The following RANBP2 variants were observed in gnomAD, a reference collection of about 807,000 sequenced individuals.
RANBP2 encodes RAN binding protein 2, also known as E3 SUMO-protein ligase RanBP2.
In RANBP2, 57 loss-of-function variants were observed where a neutral mutation model predicts 303.6. The observed-to-expected ratio is 0.19, with a 90% CI of 0.15 to 0.23. The LOEUF (loss-of-function observed/expected upper bound fraction) is 0.23. Ranked by LOEUF, RANBP2 falls within the 10% of genes least tolerant of loss-of-function variation. The pLI, the probability that RANBP2 is intolerant of heterozygous loss-of-function variation, is 1.00. For synonymous variants in RANBP2, 1,167 were observed against 1,301.5 expected (o/e 0.90, Z 2.23); for missense variants, 3,138 against 3,780.8 (o/e 0.83, Z 4.46).
At chr2:109,314,893 C>G in the RANBP2 span, among the ~76,000 whole-genome samples, 1 of 152,208 alleles carries the variant, frequency 6.6e-6, no homozygotes, top group African/African-American at 2.4e-5. Context: ...TGAAGCAGAG[C>G]TAAGCCCTCG....
At chr2:109,550,279 A>G in the RANBP2 span, among the ~76,000 whole-genome samples, 13 of 151,644 alleles carry the variant, frequency 8.6e-5, no homozygotes, top group African/African-American at 3.1e-4. Flanking sequence ...AACAAAAGCA[A>G]GACTCAGTCT....
chr2:109,092,962 A>G, the RANBP2 span, among the ~76,000 whole-genome samples: 1 of 152,146 alleles, frequency 6.6e-6, no homozygotes, highest in African/African-American at 2.4e-5. Context: ...GTCAGTTACA[A>G]ACTTTGCTAT....
At chr2:109,592,063 G>A in the RANBP2 span, among the ~76,000 whole-genome samples, 480 of 152,282 alleles carry the variant, frequency 3.2e-3, 3 homozygotes, top group African/African-American at 0.011. Context: ...AGAAGCATAA[G>A]GTGTAATCTT....
chr2:109,537,717 G>A, the RANBP2 span, among the ~76,000 whole-genome samples: 49 of 152,228 alleles, frequency 3.2e-4, no homozygotes, highest in South Asian at 1.5e-3. Context: ...AGGCTGGGGC[G>A]GGCGGACTGC....
chr2:108,939,949 G>A, the RANBP2 span, among the ~76,000 whole-genome samples: 1 of 152,212 alleles, frequency 6.6e-6, no homozygotes, highest in Non-Finnish European at 1.5e-5. Flanking sequence ...CTGCATGAAC[G>A]TGTCTCAGTG....
At chr2:109,636,184 C>A in the RANBP2 span, among the ~76,000 whole-genome samples, 1 of 152,186 alleles carries the variant, frequency 6.6e-6, no homozygotes, top group African/African-American at 2.4e-5. Flanking sequence ...AAATAAATGT[C>A]CGTTGTCTAT....
chr2:109,579,882 A>C, the RANBP2 span, among the ~76,000 whole-genome samples: 1 of 151,906 alleles, frequency 6.6e-6, no homozygotes, highest in South Asian at 2.1e-4. Context: ...GCACTTTGGG[A>C]AGCTAAGGCG....
chr2:108,813,217 C>G, the RANBP2 span, among the ~76,000 whole-genome samples: 1 of 125,682 alleles, frequency 8.0e-6, no homozygotes, highest in African/African-American at 3.0e-5. Flanking sequence ...CCACTGCACT[C>G]CAGCCTGGGC....
chr2:109,081,066 G>A, the RANBP2 span, among the ~76,000 whole-genome samples: 1 of 152,230 alleles, frequency 6.6e-6, no homozygotes, highest in Non-Finnish European at 1.5e-5. Flanking sequence ...CAACTGAGAT[G>A]TGCTGCAGGT....
the RANBP2 span, among the ~76,000 whole-genome samples, chr2:109,295,833 G>A: frequency 1.3e-5 from 2 of 152,158 alleles, no homozygotes; most frequent in Non-Finnish European, 2.9e-5. Context: ...CTCCCTGCAC[G>A]GGCATCTCTG....
the RANBP2 span, among the ~76,000 whole-genome samples, chr2:109,034,733 AC>A: frequency 6.6e-5 from 10 of 152,224 alleles, no homozygotes; most frequent in African/African-American, 2.2e-4. Context: ...GGGGGGTGGT[AC>A]CCCATTCTTT....
At chr2:109,231,338 T>TA in the RANBP2 span, among the ~76,000 whole-genome samples, 1 of 152,216 alleles carries the variant, frequency 6.6e-6, no homozygotes, top group East Asian at 1.9e-4. Flanking sequence ...TGTGTTACAA[T>TA]AAAAAATAAC....
the RANBP2 span, among the ~76,000 whole-genome samples, chr2:108,887,246 G>A: frequency 1.4e-3 from 211 of 152,220 alleles, 2 homozygotes; most frequent in South Asian, 0.013. Flanking sequence ...CTACGTGTCC[G>A]TTTTTATAAC....
the RANBP2 span, among the ~76,000 whole-genome samples, chr2:109,518,366 C>G: frequency 6.6e-6 from 1 of 152,166 alleles, no homozygotes; most frequent in African/African-American, 2.4e-5. Context: ...TATGAGGACT[C>G]TCATCATGGT....
the RANBP2 span, among the ~76,000 whole-genome samples, chr2:109,646,259 G>A: frequency 1.1e-4 from 16 of 152,276 alleles, no homozygotes; most frequent in African/African-American, 3.1e-4. Flanking sequence ...TGTGTGAGAC[G>A]CTCACATCGG....
At chr2:109,398,968 G>A in the RANBP2 span, 3 of 1,588,580 alleles carry the variant, frequency 1.9e-6, no homozygotes, top group South Asian at 1.1e-5. Context: ...GCCAGGGCAG[G>A]CATCCCTGGG....
At chr2:108,919,440 C>A in the RANBP2 span, among the ~76,000 whole-genome samples, 1 of 152,168 alleles carries the variant, frequency 6.6e-6, no homozygotes, top group African/African-American at 2.4e-5. Context: ...TTCACCGCAA[C>A]CTCCATCTCC....
the RANBP2 span, among the ~76,000 whole-genome samples, chr2:109,052,688 C>T: frequency 3.1e-4 from 47 of 152,214 alleles, no homozygotes; most frequent in African/African-American, 9.9e-4. Flanking sequence ...TTAGTAGAGA[C>T]GGGGTTTCAC....
the RANBP2 span, among the ~76,000 whole-genome samples, chr2:108,800,241 AT>A: frequency 6.6e-6 from 1 of 152,120 alleles, no homozygotes; most frequent in East Asian, 1.9e-4. Flanking sequence ...GCATTCAGCA[AT>A]TAGATTTAGG....
Sources: gnomAD v4.1 joint callset for allele counts (sites outside exome capture counted in the v4.1 genomes callset) on GRCh38, gnomAD v4.1.1 for gene constraint, MANE v1.5 for transcripts, NCBI Gene and HGNC (gene_info 2026-07-23, HGNC 2026-07-21) for gene names.